IGLON5: variants seen among roughly 807,000 people sequenced by gnomAD.
The protein encoded by IGLON5 is IgLON family member 5, also known as Ig-like domain-containing protein ENSP00000270642.
Under a neutral mutation model 38.2 loss-of-function variants are expected in IGLON5, and 16 were observed. The ratio of observed to expected loss-of-function variants is 0.42; its 90% CI spans 0.28 to 0.64. The LOEUF is 0.64. Among genes scored for constraint, IGLON5 ranks in the 30% least tolerant of loss-of-function variants. The pLI is 0.23. For synonymous variants in IGLON5, 207 were observed against 216.4 expected (o/e 0.96, Z 0.38); for missense variants, 366 against 483.4 (o/e 0.76, Z 2.28).
rs754395346 is a variant in IGLON5 at position 51,323,775 on chromosome 19, C to A, written c.272C>A (p.Thr91Asn). 20 of 1,613,834 alleles carry A rather than the reference C, an allele frequency of 1.2e-5. No individual in the cohort carries two copies. Among genetic ancestry groups the A allele is most frequent in the South Asian group, 5.5e-5 (5 of 91,090 alleles). Reference sequence around the variant, plus strand: ...CCGCGGGTGCGGCTGCTCATCAACACCCCCGAGGAGTTCTCCATCCTCATC... The same window carrying A: ...CCGCGGGTGCGGCTGCTCATCAACAACCCCGAGGAGTTCTCCATCCTCATC... ...SDPRVRLLINTPEEFSILITE... is the reference protein window; with the variant it reads ...SDPRVRLLINNPEEFSILITE... The change falls in exon 3 of 8, where the codon ACC (threonine) becomes AAC (asparagine). Residue 91 changes from threonine to asparagine, a missense_variant. By Grantham distance (65) the Thr-to-Asn change is moderately conservative (BLOSUM62 0). Transcript: ENST00000270642.
chr19:51,322,437 G>A (rs1985087838), intron 2 of IGLON5, among the ~76,000 whole-genome samples: 1 of 147,798 alleles, frequency 6.8e-6, no homozygotes, highest in Non-Finnish European at 1.5e-5. Flanking sequence ...CAGAGAGAAG[G>A]GGACAGAGAT....
In IGLON5 at chr19:51,325,358, T is replaced by C. The variant is rs1274815687; in HGVS notation, c.404T>C (p.Ile135Thr). ...CCGCTGCCCGCAGTCCCTGCCCGCATTGTGAACATCTCGTCGCCTGTGACG... is the reference window on the plus strand; with the variant it reads ...CCGCTGCCCGCAGTCCCTGCCCGCACTGTGAACATCTCGTCGCCTGTGACG... ...VYLIVHVPARIVNISSPVTVN... is the reference protein window; with the variant it reads ...VYLIVHVPARTVNISSPVTVN... The change falls in exon 4 of 8, where the codon ATT becomes ACT. Residue 135 changes from isoleucine (I) to threonine (T), a missense_variant. Coordinates refer to ENST00000270642, the MANE Select transcript of IGLON5 (RefSeq NM_001101372.3). This position sits in a 1 kb window ranked among gnomAD's most constrained non-coding sequence, Gnocchi z 5.5. 6.2e-7 allele frequency: 1 copy of C among 1,613,716 alleles called. No homozygotes were observed. The highest frequency in any genetic ancestry group is 8.5e-7 in the Non-Finnish European group (1 of 1,179,814).
At chr19:51,323,220 C>A (rs1047829963) in intron 2 of IGLON5, among the ~76,000 whole-genome samples, 1 of 146,450 alleles carries the variant, frequency 6.8e-6, no homozygotes, top group East Asian at 2.0e-4. Flanking sequence ...GGGTCTCTGT[C>A]CCCCTCTGTC....
At chr19:51,314,621 G>A (rs1984869460) in intron 1 of IGLON5, among the ~76,000 whole-genome samples, 1 of 152,160 alleles carries the variant, frequency 6.6e-6, no homozygotes, top group African/African-American at 2.4e-5. Flanking sequence ...TTTGAGAACT[G>A]GGGACGAGAG....
chr19:51,319,994 C>T (rs1985013636), intron 1 of IGLON5, among the ~76,000 whole-genome samples: 1 of 151,758 alleles, frequency 6.6e-6, no homozygotes, highest in Non-Finnish European at 1.5e-5. Flanking sequence ...ATTTCTAGGC[C>T]TGGAGAGGTC....
At chr19:51,312,353 C>T (rs1216782514) in intron 1 of IGLON5, among the ~76,000 whole-genome samples, 1 of 151,254 alleles carries the variant, frequency 6.6e-6, no homozygotes, top group Non-Finnish European at 1.5e-5. Flanking sequence ...TTCATCTGTA[C>T]GTGGAGAGGG....
chr19:51,327,995 T>G lies in IGLON5; in HGVS notation c.922+109T>G. On this transcript the variant is annotated intron_variant, in intron 7 of 7. Coordinates refer to ENST00000270642, the MANE Select transcript of IGLON5 (RefSeq NM_001101372.3). The surrounding 1 kb of genome is among the most constrained non-coding windows in gnomAD (Gnocchi z 7.1). The stretch of plus-strand genomic sequence containing the variant: ...TCAGGCTGGCCCTGAACTTAGGAGA[T>G]GGACGCTGAGACTGAAAAGCAATGC... 1 of 1,161,638 alleles carries G rather than the reference T, an allele frequency of 8.6e-7. No individual in the cohort carries two copies. The highest frequency in any genetic ancestry group is 1.6e-5 in the South Asian group (1 of 61,640). 72.0% of individuals were successfully genotyped at this position (1,161,638 alleles called of 1,614,324 possible). A position where few individuals can be genotyped will look rare whatever the true frequency, so the allele number is the denominator to read the frequency against.
At chr19:51,315,688 C>CTTTTTTTTT (rs756194855) in intron 1 of IGLON5, among the ~76,000 whole-genome samples, 18 of 82,584 alleles carry the variant, frequency 2.2e-4, no homozygotes, top group African/African-American at 7.2e-4. Flanking sequence ...GGAAGTCAAC[C>CTTTTTTTTT]TTTTTTTTTT....
chr19:51,321,117 C>G (rs1445988260), intron 1 of IGLON5, among the ~76,000 whole-genome samples: 1 of 152,030 alleles, frequency 6.6e-6, no homozygotes, highest in Non-Finnish European at 1.5e-5. Flanking sequence ...TATGTCTGTG[C>G]GTGTAGACCA....
chr19:51,319,240 T>C (rs1984996195), intron 1 of IGLON5, among the ~76,000 whole-genome samples: 1 of 152,116 alleles, frequency 6.6e-6, no homozygotes, highest in African/African-American at 2.4e-5. Context: ...CAGCACTGAA[T>C]GTGGCACTAC....
chr19:51,328,015 C>A, intron 7 of IGLON5, 129 bp downstream of exon 7: 1 of 991,306 alleles, frequency 1.0e-6, no homozygotes, highest in Non-Finnish European at 1.4e-6. Context: ...GACTGAAAAG[C>A]AATGCGAGTA....
Position 51,313,695 on chromosome 19 carries a change from C to CTTTCTTTCTTTCTTTCT in IGLON5, c.79+1771_79+1772insTCTTTCTTTCTTTCTTT, listed in dbSNP as rs57541204. ...TCTTTCTTTCTTTCTTTCTTTCTTT[C>CTTTCTTTCTTTCTTTCT]TTCTTTCTTCTCTTTTTTTCTTTCT... On this transcript the variant is annotated intron_variant, in intron 1 of 7. Transcript: ENST00000270642. Among the ~76,000 whole-genome samples the CTTTCTTTCTTTCTTTCT allele has an allele frequency of 4.7e-3, 239 of 51,276 alleles. 5 individuals carry two copies. The highest frequency in any genetic ancestry group is 8.8e-3 in the Non-Finnish European group (183 of 20,786). The allele number at this position is 51,276 out of a possible 152,430, so 33.6% of individuals were successfully genotyped here. A position where few individuals can be genotyped will look rare whatever the true frequency, so the allele number is the denominator to read the frequency against.
intron 1 of IGLON5, among the ~76,000 whole-genome samples, chr19:51,316,394 G>C (rs1024888541): frequency 6.0e-5 from 9 of 150,668 alleles, no homozygotes; most frequent in Non-Finnish European, 8.9e-5. Context: ...GGTGTGTCTA[G>C]TTTCAGGATT....
chr19:51,328,519 A>AAG (rs1555752088), intron 7 of IGLON5, among the ~76,000 whole-genome samples, 152 bp from the exon 8 acceptor site: 1 of 151,632 alleles, frequency 6.6e-6, no homozygotes, highest in East Asian at 1.9e-4. Flanking sequence ...AAAAAAAAAA[A>AAG]AAAGAAACAG....
chr19:51,320,855 G>A (rs568355524), intron 1 of IGLON5, among the ~76,000 whole-genome samples: 8 of 152,182 alleles, frequency 5.3e-5, no homozygotes, highest in African/African-American at 1.4e-4. Context: ...GTTAATGTAC[G>A]TGTGCATCTG....
At position 51,327,936 on chromosome 19, in the gene IGLON5, G is replaced by C; in HGVS notation, c.922+50G>C. ...CGGGAAGGTGGGCGGGGCCGGGGGC[G>C]GGGCTAGGGAAGTGGAGACGCCGGG... On this transcript the variant is annotated intron_variant, in intron 7 of 7. Transcript: ENST00000270642. This position sits in a 1 kb window ranked among gnomAD's most constrained non-coding sequence, Gnocchi z 7.1. The C allele has an allele frequency of 6.9e-7, 1 of 1,451,270 alleles. No individual in the cohort carries two copies. 89.9% of individuals were successfully genotyped at this position (1,451,270 alleles called of 1,614,324 possible). A position where few individuals can be genotyped will look rare whatever the true frequency, so the allele number is the denominator to read the frequency against.
rs1480862503 is a variant in IGLON5 at position 51,325,297 on chromosome 19, G to T, written c.392-49G>T. 2 of 1,593,668 alleles carry T rather than the reference G, an allele frequency of 1.3e-6. No homozygotes were observed. Among genetic ancestry groups the T allele is most frequent in the African/African-American group, 2.7e-5 (2 of 74,514 alleles). ...CTGGGTCTGAAGGAGGAAGGGCTGG[G>T]GGCCTGGATTCCTGGGCATCCATAT... On this transcript the variant is annotated intron_variant, in intron 3 of 7. Transcript: ENST00000270642. The surrounding 1 kb of genome is among the most constrained non-coding windows in gnomAD (Gnocchi z 5.5).
intron 1 of IGLON5, among the ~76,000 whole-genome samples, chr19:51,318,221 T>C (rs966342979): frequency 2.6e-5 from 4 of 152,206 alleles, no homozygotes; most frequent in Non-Finnish European, 5.9e-5. Flanking sequence ...GGCATCCATT[T>C]ATATTCATCC....
intron 1 of IGLON5, among the ~76,000 whole-genome samples, chr19:51,317,620 C>T (rs1984953156): frequency 6.6e-6 from 1 of 152,318 alleles, no homozygotes; most frequent in South Asian, 2.1e-4. Context: ...AGCCCAGATA[C>T]AGCCCTGCCC....
Sources: allele counts gnomAD v4.1 joint callset (sites outside exome capture counted in the v4.1 genomes callset), GRCh38; gene constraint gnomAD v4.1.1; non-coding constraint Gnocchi (gnomAD v3.1); transcripts MANE v1.5; gene names NCBI Gene and HGNC (gene_info 2026-07-23, HGNC 2026-07-21).